The following GRIK2 variants were observed in gnomAD, a reference collection of about 807,000 sequenced individuals.
GRIK2 encodes the protein glutamate ionotropic receptor kainate type subunit 2.
A neutral mutation model predicts 100.3 loss-of-function variants in GRIK2; 32 were observed. The observed-to-expected ratio is 0.32, with a 90% CI of 0.24 to 0.43. GRIK2 has a LOEUF of 0.43. Ranked by LOEUF, GRIK2 falls within the 20% of genes least tolerant of loss-of-function variation. The probability of loss-of-function intolerance (pLI) is 1.00; values close to 1 mark genes in which losing one functional copy is unlikely to be tolerated. For missense variants in GRIK2, 843 were observed against 1,114.9 expected (o/e 0.76, Z 3.47); for synonymous variants, 417 against 389.4 (o/e 1.07, Z -0.83).
At chr6:101,717,839 G>A (rs922319139) in intron 7 of GRIK2, among the ~76,000 whole-genome samples, 1 of 151,694 alleles carries the variant, frequency 6.6e-6, no homozygotes, top group African/African-American at 2.4e-5. Context: ...TTAACAAAAT[G>A]TCTGTATGTA....
intron 4 of GRIK2, among the ~76,000 whole-genome samples, chr6:101,634,857 T>G (rs373156296): frequency 4.9e-4 from 74 of 152,220 alleles, no homozygotes; most frequent in African/African-American, 1.7e-3. Flanking sequence ...AACACTAACT[T>G]TATTCATTTG....
At chr6:101,717,321 A>G (rs1195253050) in intron 7 of GRIK2, among the ~76,000 whole-genome samples, 1 of 147,106 alleles carries the variant, frequency 6.8e-6, no homozygotes, top group Non-Finnish European at 1.5e-5. Flanking sequence ...TCTTTCTCCA[A>G]TAATAACACT....
intron 10 of GRIK2, among the ~76,000 whole-genome samples, chr6:101,832,355 C>A (rs1782755931): frequency 6.6e-6 from 1 of 152,056 alleles, no homozygotes; most frequent in African/African-American, 2.4e-5. Flanking sequence ...TCTTTTATTT[C>A]TCACCATAAT....
chr6:101,540,139 G>A (rs980073307), intron 2 of GRIK2, among the ~76,000 whole-genome samples: 6 of 151,562 alleles, frequency 4.0e-5, no homozygotes, highest in African/African-American at 9.7e-5. Flanking sequence ...CAAAGCTGTG[G>A]TTTATGAAGA....
intron 2 of GRIK2, among the ~76,000 whole-genome samples, chr6:101,564,099 A>T (rs1051301474): frequency 2.6e-5 from 4 of 152,222 alleles, no homozygotes; most frequent in African/African-American, 7.2e-5. Context: ...TCAAATTATC[A>T]TTAGGCTAAT....
chr6:101,837,518 C>A (rs1349907186), intron 10 of GRIK2, among the ~76,000 whole-genome samples: 3 of 152,024 alleles, frequency 2.0e-5, no homozygotes, highest in Non-Finnish European at 4.4e-5. Context: ...TAAATATATG[C>A]AGTTTTTATC....
intron 4 of GRIK2, among the ~76,000 whole-genome samples, chr6:101,647,731 T>A (rs1017361776): frequency 6.6e-6 from 1 of 152,066 alleles, no homozygotes; most frequent in African/African-American, 2.4e-5. Flanking sequence ...CTCTGCCATA[T>A]TTTAAAAGGG....
At chr6:101,661,081 C>A (rs375675877) in intron 4 of GRIK2, among the ~76,000 whole-genome samples, 1 of 152,228 alleles carries the variant, frequency 6.6e-6, no homozygotes, top group South Asian at 2.1e-4. Flanking sequence ...CCCACAGCTG[C>A]CCCTTCCCTC....
At chr6:101,586,912 A>AAAAAAG (rs1562244073) in intron 2 of GRIK2, among the ~76,000 whole-genome samples, 3 of 149,248 alleles carry the variant, frequency 2.0e-5, no homozygotes, top group Non-Finnish European at 4.5e-5. Flanking sequence ...AAAAAAAAAA[A>AAAAAAG]AGAGAGATAT....
intron 12 of GRIK2, among the ~76,000 whole-genome samples, chr6:101,905,401 T>C (rs1236958395): frequency 6.6e-6 from 1 of 151,658 alleles, no homozygotes; most frequent in Non-Finnish European, 1.5e-5. Flanking sequence ...TTTAGCTTAC[T>C]CCAAATAAAA....
chr6:101,608,418 A>G (rs1779527052), intron 2 of GRIK2, among the ~76,000 whole-genome samples: 2 of 152,076 alleles, frequency 1.3e-5, no homozygotes, highest in East Asian at 1.9e-4. Flanking sequence ...TAGTTCTTCT[A>G]TGAATATAAT....
chr6:101,503,634 G>A (rs1017470313), intron 2 of GRIK2, among the ~76,000 whole-genome samples: 1 of 152,052 alleles, frequency 6.6e-6, no homozygotes, highest in Non-Finnish European at 1.5e-5. Context: ...GGTCAAAAGG[G>A]GTAACTTTGT....
At chr6:101,988,128 TGTGTGCGCGCGCGCGCGCGCGCGC>T (rs1437584055) in intron 14 of GRIK2, among the ~76,000 whole-genome samples, 2 of 20,170 alleles carry the variant, frequency 9.9e-5, no homozygotes, top group East Asian at 1.3e-3. Context: ...TGTGTGTGTG[TGTGTGCGCGCGCGCGCGCGCGCGC>T]GCGTGCGCGC....
chr6:101,756,612 A>C (rs911419502), intron 7 of GRIK2, among the ~76,000 whole-genome samples: 1 of 152,180 alleles, frequency 6.6e-6, no homozygotes, highest in African/African-American at 2.4e-5. Flanking sequence ...AGGTTGCCAT[A>C]AACTCTTCAT....
At chr6:101,728,855 G>C (rs932902929) in intron 7 of GRIK2, among the ~76,000 whole-genome samples, 1 of 152,042 alleles carries the variant, frequency 6.6e-6, no homozygotes, top group Non-Finnish European at 1.5e-5. Flanking sequence ...GCTATAAAAA[G>C]TAAGAGTCAC....
At chr6:101,402,127 C>G (rs185082175) in intron 2 of GRIK2, among the ~76,000 whole-genome samples, 1 of 152,136 alleles carries the variant, frequency 6.6e-6, no homozygotes, top group Non-Finnish European at 1.5e-5. Flanking sequence ...GCAGCCCCCG[C>G]TTAGAGTGCT....
intron 12 of GRIK2, among the ~76,000 whole-genome samples, chr6:101,906,539 T>C (rs1486860231): frequency 6.6e-6 from 1 of 151,590 alleles, no homozygotes; most frequent in African/African-American, 2.4e-5. Flanking sequence ...AAATTTATTA[T>C]TGGGAAAGGA....
chr6:101,940,653 G>T (rs1489808507), intron 14 of GRIK2, among the ~76,000 whole-genome samples: 1 of 152,018 alleles, frequency 6.6e-6, no homozygotes, highest in Non-Finnish European at 1.5e-5. Context: ...AAACACTTTA[G>T]TATTTTGTCT....
intron 2 of GRIK2, among the ~76,000 whole-genome samples, chr6:101,534,336 A>T (rs1775586337): frequency 6.6e-6 from 1 of 151,910 alleles, no homozygotes; most frequent in Admixed American, 6.6e-5. Context: ...GCTTCAGCCA[A>T]TTTGTGGTGT....
Sources: gnomAD v4.1 joint callset for allele counts (sites outside exome capture counted in the v4.1 genomes callset) on GRCh38, gnomAD v4.1.1 for gene constraint, MANE v1.5 for transcripts, NCBI Gene and HGNC (gene_info 2026-07-23, HGNC 2026-07-21) for gene names.